The following E2F3 variants were observed in gnomAD, a reference collection of about 807,000 sequenced individuals.
E2F3 encodes transcription factor E2F3.
A neutral mutation model predicts 44.4 loss-of-function variants in E2F3; 11 were observed. The observed-to-expected ratio is 0.25, with a 90% confidence interval of 0.16 to 0.41. E2F3 has a LOEUF of 0.41. Among genes scored for constraint, E2F3 ranks in the 10% least tolerant of loss-of-function variants. The pLI, the probability that E2F3 is intolerant of heterozygous loss-of-function variation, is 1.00. For synonymous variants in E2F3, 249 were observed against 253.0 expected (o/e 0.98, Z 0.15); for missense variants, 487 against 583.6 (o/e 0.83, Z 1.70).
chr6:20,440,487 AT>A (rs1332504724), intron 1 of E2F3, among the ~76,000 whole-genome samples: 1 of 152,190 alleles, frequency 6.6e-6, no homozygotes, highest in African/African-American at 2.4e-5. Context: ...AGAGTGAATG[AT>A]TCACGATTCT....
In E2F3 at chr6:20,485,837, C is replaced by G. The variant is rs568075619; in HGVS notation, c.885-852C>G. On this transcript the variant is annotated intron_variant, in intron 4 of 6. Transcript: ENST00000346618. ...GCACTTAAGAAAACAAGCTGTCTGC[C>G]TGAGCAGTATTCTGAGTTCCTCCAC... Among the ~76,000 whole-genome samples, 261 of 152,314 alleles carry G rather than the reference C, an allele frequency of 1.7e-3. 1 individual carries two copies. The highest frequency in any genetic ancestry group is 3.3e-3 in the Non-Finnish European group (222 of 68,030).
At chr6:20,482,082 T>C (rs970559843) in intron 3 of E2F3, among the ~76,000 whole-genome samples, 2 of 152,178 alleles carry the variant, frequency 1.3e-5, no homozygotes, top group Non-Finnish European at 2.9e-5. Context: ...GGAATAATTC[T>C]GTTACAGGAG....
chr6:20,465,714 C>T (rs1016189913), intron 1 of E2F3, among the ~76,000 whole-genome samples: 2 of 152,142 alleles, frequency 1.3e-5, no homozygotes, highest in Non-Finnish European at 2.9e-5. Flanking sequence ...GTTTTCCATT[C>T]CTGAGTTACT....
At chr6:20,425,722 C>T (rs1011909290) in intron 1 of E2F3, among the ~76,000 whole-genome samples, 1 of 152,174 alleles carries the variant, frequency 6.6e-6, no homozygotes, top group Non-Finnish European at 1.5e-5. Context: ...GAAGAAAATG[C>T]AACAACGTGT....
intron 1 of E2F3, among the ~76,000 whole-genome samples, chr6:20,437,584 G>C (rs1178186928): frequency 6.6e-6 from 1 of 151,664 alleles, no homozygotes; most frequent in Admixed American, 6.6e-5. Context: ...TTGTTTTCCT[G>C]CTTAAGTTAG....
chr6:20,442,947 G>A (rs1361233488), intron 1 of E2F3, among the ~76,000 whole-genome samples: 1 of 148,468 alleles, frequency 6.7e-6, no homozygotes, highest in African/African-American at 2.5e-5. Flanking sequence ...TCCAGCCTGG[G>A]CGACAAGAGC....
At chr6:20,415,762 A>G (rs1179911962) in intron 1 of E2F3, among the ~76,000 whole-genome samples, 1 of 151,924 alleles carries the variant, frequency 6.6e-6, no homozygotes, top group African/African-American at 2.4e-5. Context: ...CACTGCCCCT[A>G]CTCTTGGTAG....
chr6:20,407,031 A>G (rs1184836367), intron 1 of E2F3, among the ~76,000 whole-genome samples: 1 of 152,210 alleles, frequency 6.6e-6, no homozygotes, highest in African/African-American at 2.4e-5. Context: ...TACTGATTCT[A>G]CTTTGGGAAA....
intron 1 of E2F3, among the ~76,000 whole-genome samples, chr6:20,435,115 G>A (rs1760531736): frequency 6.6e-6 from 1 of 152,198 alleles, no homozygotes; most frequent in Admixed American, 6.5e-5. Context: ...TCCAGCAACA[G>A]CTCTTTGAAG....
intron 1 of E2F3, among the ~76,000 whole-genome samples, chr6:20,449,542 A>G (rs1761057701): frequency 6.6e-6 from 1 of 152,128 alleles, no homozygotes; most frequent in African/African-American, 2.4e-5. Flanking sequence ...CTGTAGGGTA[A>G]TTTCCTATAA....
At chr6:20,438,427 T>A (rs1760664239) in intron 1 of E2F3, among the ~76,000 whole-genome samples, 1 of 152,216 alleles carries the variant, frequency 6.6e-6, no homozygotes, top group African/African-American at 2.4e-5. Context: ...CAACTGGGCT[T>A]TGCCTCAAGG....
In E2F3 at chr6:20,479,863, G is replaced by T. The variant is rs1156309551; in HGVS notation, c.411G>T (p.Glu137Asp). Reference protein sequence around the residue: ...GGGPPAKRRLELGESGHQYLS... With the variant: ...GGGPPAKRRLDLGESGHQYLS... ...TATTACAGGCAAAGCGAAGGCTGGA[G>T]CTAGGAGAAAGCGGTCATCAGTACC... The change falls in exon 2 of 7, where the codon GAG becomes GAT. Residue 137 changes from glutamate to aspartate, a missense_variant. Transcript: ENST00000346618. 6.8e-6 allele frequency: 11 copies of T among 1,612,092 alleles called. No homozygotes were observed. Among genetic ancestry groups the T allele is most frequent in the Non-Finnish European group, 9.3e-6 (11 of 1,179,076 alleles).
Position 20,402,405 on chromosome 6 carries a change from T to G in E2F3, c.173T>G (p.Ile58Ser). Residue 58 changes from isoleucine to serine, a missense_variant, in exon 1 of 7, where the codon ATC becomes AGC. Ile to Ser is a moderately radical substitution (Grantham distance 142). This residue lies in a region of E2F3 where 238 missense variants were observed against 236.0 expected (regional missense o/e 1.01). Coordinates refer to ENST00000346618, the MANE Select transcript of E2F3 (RefSeq NM_001949.5). This position sits in a 1 kb window ranked among gnomAD's most constrained non-coding sequence, Gnocchi z 5.6. ...GCTGCCGCCGCCCCGGGCGCGTACA[T>G]CCAGATCCTCACCACGAACACTTCC... ...AAAAAAPGAY[I>S]QILTTNTSTT... 6.2e-7 allele frequency: 1 copy of G among 1,607,016 alleles called. No homozygotes were observed.
At position 20,491,515 on chromosome 6, in the gene E2F3, T is replaced by A. The variant is rs911686262; in HGVS notation, c.*1085T>A. On this transcript the variant is annotated 3_prime_UTR_variant, in exon 7 of 7. Coordinates refer to ENST00000346618, the MANE Select transcript of E2F3 (RefSeq NM_001949.5). Reference sequence around the variant, plus strand: ...TGGCCCATTGGAAAGGAGAACCAGGTCAGATGATGTAACAGCCCCAAGGAG... The same window carrying A: ...TGGCCCATTGGAAAGGAGAACCAGGACAGATGATGTAACAGCCCCAAGGAG... 1 of 217,788 alleles carries A rather than the reference T, an allele frequency of 4.6e-6. No individual in the cohort carries two copies. Among genetic ancestry groups the A allele is most frequent in the African/African-American group, 2.3e-5 (1 of 44,350 alleles). The allele number at this position is 217,788 out of a possible 1,614,324, so 13.5% of individuals were successfully genotyped here.
chr6:20,401,922 C>G lies in E2F3; in HGVS notation c.-311C>G. On this transcript the variant is annotated 5_prime_UTR_variant, in exon 1 of 7. Coordinates refer to ENST00000346618, the MANE Select transcript of E2F3 (RefSeq NM_001949.5). ...CTTCCTGGAGCCATTTTTCAGCTGC[C>G]GGCCGCAGCACCCGGGCTGCCGCCG... is the stretch of plus-strand genomic sequence containing the variant. 2.5e-6 allele frequency: 1 copy of G among 395,902 alleles called. No homozygotes were observed. Among genetic ancestry groups the G allele is most frequent in the Non-Finnish European group, 4.4e-6 (1 of 225,620 alleles). 24.5% of individuals were successfully genotyped at this position (395,902 alleles called of 1,614,324 possible). A position where few individuals can be genotyped will look rare whatever the true frequency, so the allele number is the denominator to read the frequency against.
At chr6:20,478,763 T>C (rs1017211974) in intron 1 of E2F3, among the ~76,000 whole-genome samples, 2 of 152,072 alleles carry the variant, frequency 1.3e-5, no homozygotes, top group Admixed American at 6.5e-5. Flanking sequence ...TGAGCCAAGA[T>C]CGCGCCACTC....
intron 5 of E2F3, 69 bp downstream of exon 5, chr6:20,486,872 G>T: frequency 9.9e-7 from 1 of 1,006,280 alleles, no homozygotes; most frequent in Non-Finnish European, 1.5e-6. Context: ...ATGACTCATT[G>T]ACTCATAGTT....
chr6:20,405,561 A>C (rs1308279805), intron 1 of E2F3, among the ~76,000 whole-genome samples: 1 of 152,200 alleles, frequency 6.6e-6, no homozygotes, highest in Admixed American at 6.5e-5. Flanking sequence ...GCTGTGGCTC[A>C]TGCCTGTAAT....
At chr6:20,416,937 G>A (rs1217290559) in intron 1 of E2F3, among the ~76,000 whole-genome samples, 2 of 152,118 alleles carry the variant, frequency 1.3e-5, no homozygotes, top group African/African-American at 4.8e-5. Flanking sequence ...GGCCTCCTAA[G>A]TCACCACAGC....
Sources: gnomAD v4.1 joint callset for allele counts (sites outside exome capture counted in the v4.1 genomes callset) on GRCh38, gnomAD v4.1.1 for gene constraint, gnomAD v4.1.1 regional missense constraint, Gnocchi (gnomAD v3.1) non-coding constraint, MANE v1.5 for transcripts, NCBI Gene and HGNC (gene_info 2026-07-23, HGNC 2026-07-21) for gene names.